Variants in FOXJ3 observed in about 807,000 individuals in gnomAD.
The protein encoded by FOXJ3 is forkhead box J3.
FOXJ3 carries 22 observed loss-of-function variants against 76.1 expected under a neutral mutation model. The ratio of observed to expected loss-of-function variants is 0.29; its 90% CI spans 0.21 to 0.41. The LOEUF (loss-of-function observed/expected upper bound fraction) is 0.41, where lower values mean the gene tolerates loss of function less well. FOXJ3 is among the 10% of genes least tolerant of loss of function. The pLI is 1.00. For missense variants in FOXJ3, 613 were observed against 762.1 expected (o/e 0.80, Z 2.30); for synonymous variants, 269 against 261.2 (o/e 1.03, Z -0.29).
intron 2 of FOXJ3, among the ~76,000 whole-genome samples, chr1:42,300,721 G>A (rs931296104): frequency 6.6e-6 from 1 of 152,154 alleles, no homozygotes; most frequent in Admixed American, 6.6e-5. Flanking sequence ...AGGCTGTGGT[G>A]AGCTGTGATC....
At chr1:42,249,991 G>T (rs1649889771) in intron 4 of FOXJ3, among the ~76,000 whole-genome samples, 1 of 152,176 alleles carries the variant, frequency 6.6e-6, no homozygotes, top group Non-Finnish European at 1.5e-5. Flanking sequence ...TATCATAAAT[G>T]CAAGAAAAAT....
At chr1:42,234,275 T>C (rs982061085) in intron 4 of FOXJ3, among the ~76,000 whole-genome samples, 18 of 152,240 alleles carry the variant, frequency 1.2e-4, no homozygotes, top group African/African-American at 4.1e-4. Flanking sequence ...CTTCTCTGCA[T>C]TGGTTATTCT....
intron 2 of FOXJ3, among the ~76,000 whole-genome samples, chr1:42,305,403 A>G (rs943971200): frequency 1.3e-5 from 2 of 152,242 alleles, no homozygotes; most frequent in Admixed American, 1.3e-4. Context: ...TGCTGGGTAT[A>G]TACCCAAAAG....
intron 1 of FOXJ3, among the ~76,000 whole-genome samples, chr1:42,333,005 CG>C (rs1412503493): frequency 6.6e-6 from 1 of 152,052 alleles, no homozygotes; most frequent in Non-Finnish European, 1.5e-5. Flanking sequence ...CAAGAGACCA[CG>C]TATCTTATTC....
At position 42,237,423 on chromosome 1, in the gene FOXJ3, TATATAC is replaced by T. The variant is rs757981088; in HGVS notation, c.445-9463_445-9458del. Among the ~76,000 whole-genome samples, 7 of 116,746 alleles carry T rather than the reference TATATAC, an allele frequency of 6.0e-5. No individual in the cohort carries two copies. The East Asian group carries it at 1.6e-3, about 26-fold the overall frequency. The allele number at this position is 116,746 out of a possible 152,430, so 76.6% of individuals were successfully genotyped here. ...ATACATACATATATATATATATATA[TATATAC>T]ATACATACATATATATATATACACA... On this transcript the variant is annotated intron_variant, in intron 4 of 12. Coordinates refer to ENST00000361346, the MANE Select transcript of FOXJ3 (RefSeq NM_014947.5).
chr1:42,232,963 A>C (rs1648284899), intron 4 of FOXJ3, among the ~76,000 whole-genome samples: 1 of 149,922 alleles, frequency 6.7e-6, no homozygotes, highest in Non-Finnish European at 1.5e-5. Flanking sequence ...TCTGGAATTA[A>C]TTTTTGTATA....
chr1:42,238,299 G>A (rs1047062034), intron 4 of FOXJ3, among the ~76,000 whole-genome samples: 28 of 151,978 alleles, frequency 1.8e-4, no homozygotes, highest in African/African-American at 6.8e-4. Flanking sequence ...TCTCCAAAGT[G>A]CTGTGATTAT....
intron 4 of FOXJ3, among the ~76,000 whole-genome samples, chr1:42,264,678 G>A (rs189380195): frequency 6.6e-6 from 1 of 152,244 alleles, no homozygotes; most frequent in African/African-American, 2.4e-5. Flanking sequence ...ATGCAGTGGT[G>A]TCAGGAGATA....
intron 4 of FOXJ3, among the ~76,000 whole-genome samples, chr1:42,237,929 C>CACACAT (rs1317032301): frequency 2.7e-5 from 4 of 149,338 alleles, no homozygotes; most frequent in Admixed American, 1.3e-4. Context: ...CACACACACA[C>CACACAT]ACACACACAC....
At chr1:42,222,469 C>T (rs1235161295) in intron 5 of FOXJ3, among the ~76,000 whole-genome samples, 1 of 152,154 alleles carries the variant, frequency 6.6e-6, no homozygotes, top group Non-Finnish European at 1.5e-5. Context: ...GTACATTCAT[C>T]CTACCTTATC....
intron 4 of FOXJ3, chr1:42,264,862 T>C: frequency 2.7e-6 from 1 of 368,488 alleles, no homozygotes; most frequent in Non-Finnish European, 4.9e-6. Context: ...AATCACCAAA[T>C]TTAATTTAAT....
intron 4 of FOXJ3, among the ~76,000 whole-genome samples, chr1:42,228,209 A>G (rs1157831511): frequency 6.6e-6 from 1 of 152,176 alleles, no homozygotes; most frequent in Non-Finnish European, 1.5e-5. Context: ...CTGCCACACC[A>G]AAATTTAGAA....
chr1:42,260,066 C>G (rs1650914683), intron 4 of FOXJ3, among the ~76,000 whole-genome samples: 2 of 152,310 alleles, frequency 1.3e-5, no homozygotes, highest in Admixed American at 6.5e-5. Context: ...TACAGAAACA[C>G]AGATAAACAG....
In FOXJ3 at chr1:42,292,053, C is replaced by G. The variant is rs574713243; in HGVS notation, c.45-13381G>C. ...GACCCTGAGGAGGGGGGTGCAAGGC[C>G]AGAGGATGGGACCCTGAGGAGGGGG... is the stretch of plus-strand genomic sequence containing the variant. On this transcript the variant is annotated intron_variant, in intron 2 of 12. Coordinates refer to ENST00000361346, the MANE Select transcript of FOXJ3 (RefSeq NM_014947.5). 7.4e-4 allele frequency among the ~76,000 whole-genome samples: 113 copies of G among 151,938 alleles called. 2 individuals carry two copies. Among genetic ancestry groups the G allele is most frequent in the South Asian group, 3.5e-3 (17 of 4,810 alleles).
At chr1:42,264,295 G>GA (rs1470523763) in intron 4 of FOXJ3, among the ~76,000 whole-genome samples, 3 of 151,812 alleles carry the variant, frequency 2.0e-5, no homozygotes, top group African/African-American at 4.8e-5. Context: ...GGCAGATTGA[G>GA]AAAAAAACAG....
intron 3 of FOXJ3, among the ~76,000 whole-genome samples, chr1:42,271,452 T>G (rs1291393494): frequency 6.6e-6 from 1 of 152,104 alleles, no homozygotes; most frequent in Non-Finnish European, 1.5e-5. Flanking sequence ...TAAATACACT[T>G]CTAGTTTAAA....
intron 2 of FOXJ3, chr1:42,280,213 A>C (rs554442162): frequency 1.7e-6 from 1 of 603,568 alleles, no homozygotes; most frequent in South Asian, 7.2e-5. Context: ...TTGGGAGGGC[A>C]CCAATGCACT....
chr1:42,265,047 A>C, intron 4 of FOXJ3, 68 bp downstream of exon 4: 1 of 979,126 alleles, frequency 1.0e-6, no homozygotes. Flanking sequence ...GAACTGGAAA[A>C]GTTCTTAATT....
At chr1:42,324,157 CTG>C (rs1182498566) in intron 1 of FOXJ3, among the ~76,000 whole-genome samples, 2 of 131,174 alleles carry the variant, frequency 1.5e-5, no homozygotes, top group Non-Finnish European at 3.2e-5. Flanking sequence ...TATATATACA[CTG>C]TGTATATATA....
Sources: allele counts gnomAD v4.1 joint callset (sites outside exome capture counted in the v4.1 genomes callset), GRCh38; gene constraint gnomAD v4.1.1; transcripts MANE v1.5; gene names NCBI Gene and HGNC (gene_info 2026-07-23, HGNC 2026-07-21).